The following COL23A1 variants were observed in gnomAD, a reference collection of about 807,000 sequenced individuals.
COL23A1 encodes collagen alpha-1(XXIII) chain.
A neutral mutation model predicts 99.3 loss-of-function variants in COL23A1; 97 were observed. The ratio of observed to expected loss-of-function variants is 0.98; its 90% CI spans 0.83 to 1.16. The LOEUF is 1.16. COL23A1 is among the 50% of genes most tolerant of loss of function. The probability of loss-of-function intolerance (pLI) is 0.00; values close to 1 mark genes in which losing one functional copy is unlikely to be tolerated. For missense variants in COL23A1, 762 were observed against 757.4 expected (o/e 1.01, Z -0.07); for synonymous variants, 320 against 308.2 (o/e 1.04, Z -0.40).
chr5:178,434,736 C>A lies in COL23A1; in HGVS notation c.361+125946G>T, dbSNP rs971725373. On this transcript the variant is annotated intron_variant, in intron 2 of 28. Transcript: ENST00000390654. The surrounding 1 kb of genome is among the most constrained non-coding windows in gnomAD (Gnocchi z 4.3). The stretch of plus-strand genomic sequence containing the variant: ...GTGCCTCCCCAACATCTCCACTTCA[C>A]CGCTGAGGAAACTGAGGCCTGGGAT... 8.5e-5 allele frequency among the ~76,000 whole-genome samples: 13 copies of A among 152,232 alleles called. No individual in the cohort carries two copies. The highest frequency in any genetic ancestry group is 8.5e-4 in the Admixed American group (13 of 15,288).
intron 2 of COL23A1, among the ~76,000 whole-genome samples, chr5:178,403,908 G>T (rs1307425335): frequency 6.6e-6 from 1 of 152,244 alleles, no homozygotes; most frequent in Admixed American, 6.5e-5. Flanking sequence ...TCATGGCCTC[G>T]AAGCCACAGG....
chr5:178,340,752 G>A lies in COL23A1; in HGVS notation c.362-33833C>T, dbSNP rs1311476270. Among the ~76,000 whole-genome samples the A allele has an allele frequency of 1.3e-5, 2 of 152,206 alleles. No individual in the cohort carries two copies. The highest frequency in any genetic ancestry group is 2.9e-5 in the Non-Finnish European group (2 of 68,024). On this transcript the variant is annotated intron_variant, in intron 2 of 28. Coordinates refer to ENST00000390654, the MANE Select transcript of COL23A1 (RefSeq NM_173465.4). The surrounding 1 kb of genome is among the most constrained non-coding windows in gnomAD (Gnocchi z 4.7). ...AGGGAGTCTCACCGGAATGGAGGTG[G>A]GCGGGAATGGAGGTGGCCGGGGCAA... is the stretch of plus-strand genomic sequence containing the variant.
intron 2 of COL23A1, among the ~76,000 whole-genome samples, chr5:178,547,374 C>A (rs1377556140): frequency 6.6e-6 from 1 of 151,824 alleles, no homozygotes. Context: ...TATTGGCTCT[C>A]CTGGGCCAGA....
At chr5:178,583,796 C>T (rs1306814430) in intron 1 of COL23A1, among the ~76,000 whole-genome samples, 3 of 152,084 alleles carry the variant, frequency 2.0e-5, no homozygotes, top group African/African-American at 4.8e-5. Flanking sequence ...CACCTTGAGC[C>T]GGGCCTACAC....
intron 3 of COL23A1, among the ~76,000 whole-genome samples, chr5:178,292,124 C>T (rs533917671): frequency 1.1e-3 from 167 of 152,236 alleles, no homozygotes; most frequent in African/African-American, 3.8e-3. Flanking sequence ...GTACCTCCCC[C>T]GTGCCTGCGC....
intron 2 of COL23A1, among the ~76,000 whole-genome samples, chr5:178,507,474 T>C (rs1424385745): frequency 6.6e-6 from 1 of 152,236 alleles, no homozygotes; most frequent in African/African-American, 2.4e-5. Flanking sequence ...CTCAGGTCCC[T>C]GCTCTGTAAG....
chr5:178,568,480 C>T (rs1044648288), intron 1 of COL23A1, among the ~76,000 whole-genome samples: 1 of 151,900 alleles, frequency 6.6e-6, no homozygotes, highest in African/African-American at 2.4e-5. Flanking sequence ...TAAAATTAAC[C>T]ATTTTAAAGT....
chr5:178,575,946 A>T (rs1185977725), intron 1 of COL23A1, among the ~76,000 whole-genome samples: 2 of 152,198 alleles, frequency 1.3e-5, no homozygotes, highest in South Asian at 2.1e-4. Context: ...CCAAGCGAGC[A>T]AGTCAATCCA....
At chr5:178,523,163 CAT>C (rs70997608) in intron 2 of COL23A1, among the ~76,000 whole-genome samples, 2,708 of 95,540 alleles carry the variant, frequency 0.028, 126 homozygotes, top group African/African-American at 0.1. Flanking sequence ...TATATATATA[CAT>C]ATATATATAT....
At chr5:178,388,339 G>A (rs888423418) in intron 2 of COL23A1, among the ~76,000 whole-genome samples, 2 of 152,182 alleles carry the variant, frequency 1.3e-5, no homozygotes, top group South Asian at 2.1e-4. Context: ...TTAATCTTAC[G>A]TTCCCTCTTC....
chr5:178,298,071 G>C (rs2055300196), intron 3 of COL23A1, among the ~76,000 whole-genome samples: 2 of 152,176 alleles, frequency 1.3e-5, no homozygotes, highest in African/African-American at 4.8e-5. Context: ...TCTGCGCACG[G>C]CCTTCAAACA....
intron 2 of COL23A1, among the ~76,000 whole-genome samples, chr5:178,436,061 C>T (rs902415829): frequency 7.2e-5 from 11 of 152,192 alleles, no homozygotes; most frequent in African/African-American, 2.2e-4. Context: ...GCCGACTTCA[C>T]GGAGCTGGTG....
At chr5:178,540,131 T>C (rs1404323287) in intron 2 of COL23A1, among the ~76,000 whole-genome samples, 1 of 152,212 alleles carries the variant, frequency 6.6e-6, no homozygotes, top group East Asian at 1.9e-4. Flanking sequence ...GGATGCCTGC[T>C]ATTTCCAATT....
At position 178,498,255 on chromosome 5, in the gene COL23A1, T is replaced by TAA. The variant is rs1554184592; in HGVS notation, c.361+62426_361+62427insTT. 4.1e-3 allele frequency among the ~76,000 whole-genome samples: 291 copies of TAA among 70,846 alleles called. 12 individuals carry two copies. Among genetic ancestry groups the TAA allele is most frequent in the African/African-American group, 0.014 (234 of 16,832 alleles). The allele number at this position is 70,846 out of a possible 152,430, so 46.5% of individuals were successfully genotyped here. A position where few individuals can be genotyped will look rare whatever the true frequency, so the allele number is the denominator to read the frequency against. ...ATATATATATATATATATATATATATATAAAAGAACTTAAAAATAAAAAAA... is the reference window on the plus strand; with the variant it reads ...ATATATATATATATATATATATATATAAATAAAAGAACTTAAAAATAAAAAAA... On this transcript the variant is annotated intron_variant, in intron 2 of 28. Coordinates refer to ENST00000390654, the MANE Select transcript of COL23A1 (RefSeq NM_173465.4).
intron 2 of COL23A1, among the ~76,000 whole-genome samples, chr5:178,493,676 C>T (rs1758052731): frequency 6.6e-6 from 1 of 152,236 alleles, no homozygotes; most frequent in Admixed American, 6.5e-5. Context: ...CTCTGTTGGC[C>T]CATTCAGGCC....
At chr5:178,311,721 T>G (rs1384690680) in intron 2 of COL23A1, among the ~76,000 whole-genome samples, 1 of 13,306 alleles carries the variant, frequency 7.5e-5, no homozygotes, top group African/African-American at 2.3e-4. Context: ...TAACTGTTTT[T>G]TGTTTTGTTT....
intron 2 of COL23A1, among the ~76,000 whole-genome samples, chr5:178,449,435 C>A (rs1020732278): frequency 3.9e-5 from 6 of 152,208 alleles, no homozygotes; most frequent in Non-Finnish European, 5.9e-5. Flanking sequence ...CCGCTACAAA[C>A]CGAGAGGTTT....
At chr5:178,360,482 T>C (rs1298374638) in intron 2 of COL23A1, among the ~76,000 whole-genome samples, 2 of 151,844 alleles carry the variant, frequency 1.3e-5, no homozygotes, top group East Asian at 3.9e-4. Context: ...TGGGGGGGGA[T>C]GGAGGGCTGC....
At chr5:178,319,819 C>A (rs1759189566) in intron 2 of COL23A1, among the ~76,000 whole-genome samples, 1 of 152,216 alleles carries the variant, frequency 6.6e-6, no homozygotes, top group African/African-American at 2.4e-5. Context: ...GTGCTGAAAT[C>A]AGGTCAGTCT....
Sources: allele counts gnomAD v4.1 joint callset (sites outside exome capture counted in the v4.1 genomes callset), GRCh38; gene constraint gnomAD v4.1.1; non-coding constraint Gnocchi (gnomAD v3.1); transcripts MANE v1.5; gene names NCBI Gene and HGNC (gene_info 2026-07-23, HGNC 2026-07-21).